ASCC3: variants seen among roughly 807,000 people sequenced by gnomAD.
ASCC3 encodes the protein activating signal cointegrator 1 complex subunit 3.
Under a neutral mutation model 256.3 loss-of-function variants are expected in ASCC3, and 158 were observed. That is an observed-to-expected ratio of 0.62 (90% confidence interval 0.54 to 0.70). ASCC3 has a LOEUF of 0.70. Among genes scored for constraint, ASCC3 ranks in the 30% least tolerant of loss-of-function variants. ASCC3 has a pLI of 0.00. For synonymous variants in ASCC3, 948 were observed against 883.4 expected, an observed-to-expected ratio of 1.07 and a Z score of -1.30; for missense variants, 2,259 against 2,626.0, an observed-to-expected ratio of 0.86 and a Z score of 3.05.
intron 37 of ASCC3, among the ~76,000 whole-genome samples, chr6:100,523,000 A>G (rs762556609): frequency 9.5e-5 from 14 of 147,150 alleles, no homozygotes; most frequent in Non-Finnish European, 1.5e-4. Flanking sequence ...AGGAATGTGC[A>G]TACTAGATAA....
intron 3 of ASCC3, among the ~76,000 whole-genome samples, chr6:100,854,287 G>C (rs1055180947): frequency 2.0e-5 from 3 of 151,582 alleles, no homozygotes; most frequent in African/African-American, 7.3e-5. Context: ...CAATTTCTGT[G>C]ATATAATTTT....
At chr6:100,642,530 A>C in intron 24 of ASCC3, 51 bp downstream of exon 24, 4 of 1,592,784 alleles carry the variant, frequency 2.5e-6, no homozygotes, top group Non-Finnish European at 3.4e-6. Context: ...CATTAATTAA[A>C]ACAACCATTT....
chr6:100,604,053 T>C (rs569056485), intron 33 of ASCC3, among the ~76,000 whole-genome samples: 70 of 152,258 alleles, frequency 4.6e-4, no homozygotes, highest in African/African-American at 1.7e-3. Context: ...TTGAAGCTTC[T>C]GGGTCAGAAG....
intron 4 of ASCC3, among the ~76,000 whole-genome samples, chr6:100,822,925 ACCC>A (rs1408433754): frequency 6.6e-6 from 1 of 152,196 alleles, no homozygotes; most frequent in Non-Finnish European, 1.5e-5. Flanking sequence ...GAAATGTTTA[ACCC>A]AATATATACT....
intron 25 of ASCC3, among the ~76,000 whole-genome samples, chr6:100,635,446 T>C (rs1176496096): frequency 6.6e-6 from 1 of 152,068 alleles, no homozygotes; most frequent in Non-Finnish European, 1.5e-5. Flanking sequence ...GATGGGGGAA[T>C]GAGGAGATAC....
At position 100,616,622 on chromosome 6, in the gene ASCC3, C is replaced by T. The variant is rs1379639559; in HGVS notation, c.4785+8570G>A. Reference sequence around the variant, plus strand: ...TCCATGGTTTGCTCCAGTCAGAAGGCTCTTACCTTTCCTGCTTCAGATTTT... The same window carrying T: ...TCCATGGTTTGCTCCAGTCAGAAGGTTCTTACCTTTCCTGCTTCAGATTTT... On this transcript the variant is annotated intron_variant, in intron 30 of 41. Transcript: ENST00000369162. 4.6e-5 allele frequency among the ~76,000 whole-genome samples: 7 copies of T among 152,284 alleles called. No homozygotes were observed. In the East Asian group the frequency reaches 9.7e-4, roughly 21 times the overall value.
intron 8 of ASCC3, among the ~76,000 whole-genome samples, chr6:100,790,791 TC>T (rs1769315218): frequency 6.6e-6 from 1 of 151,974 alleles, no homozygotes; most frequent in Non-Finnish European, 1.5e-5. Flanking sequence ...ATTACTTTAC[TC>T]CTAGTTAGAG....
chr6:100,545,284 T>C (rs1373651341), intron 36 of ASCC3, among the ~76,000 whole-genome samples: 1 of 152,098 alleles, frequency 6.6e-6, no homozygotes, highest in Non-Finnish European at 1.5e-5. Context: ...TTCAAGCGCT[T>C]CTCTTGCCCC....
intron 33 of ASCC3, 91 bp downstream of exon 33, chr6:100,605,476 GT>G: frequency 4.2e-6 from 4 of 955,070 alleles, no homozygotes; most frequent in Non-Finnish European, 6.4e-6. Context: ...TAAGCTACCT[GT>G]TTTACTGATT....
At chr6:100,743,128 T>C (rs538887257) in intron 10 of ASCC3, among the ~76,000 whole-genome samples, 1 of 152,208 alleles carries the variant, frequency 6.6e-6, no homozygotes, top group East Asian at 1.9e-4. Context: ...GGGAGAAGCG[T>C]GGTTTCCCAG....
intron 1 of ASCC3, among the ~76,000 whole-genome samples, chr6:100,875,318 T>G (rs951743236): frequency 2.6e-4 from 40 of 152,180 alleles, no homozygotes; most frequent in African/African-American, 9.4e-4. Context: ...GAGGAGTCTA[T>G]ATGTATAGAG....
At chr6:100,746,600 T>A (rs1780692609) in intron 10 of ASCC3, among the ~76,000 whole-genome samples, 1 of 152,108 alleles carries the variant, frequency 6.6e-6, no homozygotes, top group Non-Finnish European at 1.5e-5. Flanking sequence ...GCTAGAAGCC[T>A]CACTATTTGC....
chr6:100,716,006 A>G (rs1779072059), intron 12 of ASCC3, among the ~76,000 whole-genome samples: 1 of 151,812 alleles, frequency 6.6e-6, no homozygotes, highest in East Asian at 1.9e-4. Flanking sequence ...AAGGTAACAC[A>G]CTATTTCTGT....
chr6:100,796,441 A>G (rs1470967902), intron 8 of ASCC3, among the ~76,000 whole-genome samples: 1 of 152,202 alleles, frequency 6.6e-6, no homozygotes, highest in Non-Finnish European at 1.5e-5. Context: ...ATGCCCTTCA[A>G]CATTTGTATG....
At chr6:100,707,212 A>C (rs1160641491) in intron 13 of ASCC3, among the ~76,000 whole-genome samples, 1 of 152,252 alleles carries the variant, frequency 6.6e-6, no homozygotes, top group East Asian at 1.9e-4. Context: ...TCTTGCTGGG[A>C]CACAAAAAGT....
intron 29 of ASCC3, 128 bp from the exon 30 acceptor site, chr6:100,625,462 T>C (rs1485754083): frequency 9.2e-7 from 1 of 1,082,256 alleles, no homozygotes; most frequent in East Asian, 2.5e-5. Flanking sequence ...GTGGCATTAT[T>C]GCAGGTACTA....
intron 1 of ASCC3, among the ~76,000 whole-genome samples, chr6:100,877,690 A>C (rs1457591547): frequency 1.3e-5 from 2 of 152,206 alleles, no homozygotes; most frequent in African/African-American, 4.8e-5. Flanking sequence ...TAGGCCAAAA[A>C]AAGGAAGGCA....
intron 25 of ASCC3, among the ~76,000 whole-genome samples, chr6:100,636,666 T>C (rs1055371620): frequency 6.6e-6 from 1 of 152,180 alleles, no homozygotes; most frequent in Admixed American, 6.5e-5. Context: ...AAGTTTTGAA[T>C]GCAAAGGACA....
intron 4 of ASCC3, among the ~76,000 whole-genome samples, chr6:100,837,607 T>C (rs1038941346): frequency 3.9e-5 from 6 of 152,116 alleles, no homozygotes; most frequent in Admixed American, 1.3e-4. Flanking sequence ...GAGGACATTA[T>C]GTTAAGTAAA....
Sources: gnomAD v4.1 joint callset for allele counts (sites outside exome capture counted in the v4.1 genomes callset) on GRCh38, gnomAD v4.1.1 for gene constraint, MANE v1.5 for transcripts, NCBI Gene and HGNC (gene_info 2026-07-23, HGNC 2026-07-21) for gene names.